TXNDC16: variants seen among roughly 807,000 people sequenced by gnomAD.
TXNDC16 encodes thioredoxin domain containing 16.
TXNDC16 carries 74 observed loss-of-function variants against 85.6 expected under a neutral mutation model. The observed-to-expected ratio is 0.86, with a 90% CI of 0.72 to 1.05. The LOEUF is 1.05. Among genes scored for constraint, TXNDC16 ranks in the 50% least tolerant of loss-of-function variants. The pLI is 0.00. For synonymous variants in TXNDC16, 335 were observed against 326.5 expected (o/e 1.03, Z -0.28); for missense variants, 959 against 947.0 (o/e 1.01, Z -0.17).
At chr14:52,548,223 A>C (rs2037978507) in intron 1 of TXNDC16, among the ~76,000 whole-genome samples, 1 of 152,232 alleles carries the variant, frequency 6.6e-6, no homozygotes, top group African/African-American at 2.4e-5. Context: ...AGAAATGAAA[A>C]CAAAGACAAA....
At chr14:52,441,869 T>C (rs1360461484) in intron 18 of TXNDC16, among the ~76,000 whole-genome samples, 1 of 152,176 alleles carries the variant, frequency 6.6e-6, no homozygotes, top group African/African-American at 2.4e-5. Context: ...ATTATATTAA[T>C]ATTAGCAGTA....
At position 52,439,186 on chromosome 14, in the gene TXNDC16, A is replaced by G; in HGVS notation, c.2194+18T>C. The G allele has an allele frequency of 6.2e-7, 1 of 1,610,662 alleles. No homozygotes were observed. The highest frequency in any genetic ancestry group is 8.5e-7 in the Non-Finnish European group (1 of 1,177,742). ...CAAAATGCAGAACTACATGTATTAA[A>G]CAAAACAGAAAACTTACTGATATGA... On this transcript the variant is annotated intron_variant, in intron 20 of 20. Coordinates refer to ENST00000281741, the MANE Select transcript of TXNDC16 (RefSeq NM_020784.3).
intron 16 of TXNDC16, among the ~76,000 whole-genome samples, chr14:52,466,722 C>CG (rs1317643788): frequency 6.6e-6 from 1 of 151,814 alleles, no homozygotes; most frequent in Non-Finnish European, 1.5e-5. Flanking sequence ...AAAAAATTAG[C>CG]GGGGCATGGT....
chr14:52,524,587 A>G (rs980332539), intron 6 of TXNDC16, among the ~76,000 whole-genome samples: 1 of 152,108 alleles, frequency 6.6e-6, no homozygotes, highest in African/African-American at 2.4e-5. Flanking sequence ...CTTCTGGGCT[A>G]AAGCCATTAT....
intron 18 of TXNDC16, among the ~76,000 whole-genome samples, chr14:52,449,879 A>T (rs1180423509): frequency 6.6e-6 from 1 of 152,046 alleles, no homozygotes; most frequent in Non-Finnish European, 1.5e-5. Flanking sequence ...GAAATTAAAA[A>T]AGAAATTTTA....
chr14:52,493,216 T>TATATATATATATATTAC lies in TXNDC16; in HGVS notation c.757-2212_757-2211insGTAATATATATATATAT. On this transcript the variant is annotated intron_variant, in intron 9 of 20. Transcript: ENST00000281741. ...TTCTATATATATATATATATATATA[T>TATATATATATATATTAC]ACACACACACACACACACATATTTA... Among the ~76,000 whole-genome samples the TATATATATATATATTAC allele has an allele frequency of 4.5e-4, 52 of 115,994 alleles. 2 individuals are homozygous for TATATATATATATATTAC. The highest frequency in any genetic ancestry group is 4.3e-3 in the Middle Eastern group (1 of 234). The allele number at this position is 115,994 out of a possible 152,430, so 76.1% of individuals were successfully genotyped here. A position where few individuals can be genotyped will look rare whatever the true frequency, so the allele number is the denominator to read the frequency against.
At chr14:52,524,603 C>T (rs559241624) in intron 6 of TXNDC16, among the ~76,000 whole-genome samples, 1 of 152,240 alleles carries the variant, frequency 6.6e-6, no homozygotes, top group South Asian at 2.1e-4. Flanking sequence ...ATTATCCTGT[C>T]TCAGCCTCAG....
At chr14:52,541,271 G>A (rs535675857) in intron 4 of TXNDC16, among the ~76,000 whole-genome samples, 3 of 151,846 alleles carry the variant, frequency 2.0e-5, no homozygotes, top group South Asian at 2.1e-4. Context: ...AGTTATGTTC[G>A]TCCATAAGGG....
intron 16 of TXNDC16, chr14:52,463,002 T>C (rs891961089): frequency 2.2e-6 from 1 of 455,708 alleles, no homozygotes; most frequent in South Asian, 1.6e-5. Flanking sequence ...ACAAAGGGGA[T>C]AGAACACAAA....
At chr14:52,472,559 C>T (rs1250797599) in intron 14 of TXNDC16, among the ~76,000 whole-genome samples, 1 of 152,068 alleles carries the variant, frequency 6.6e-6, no homozygotes, top group Non-Finnish European at 1.5e-5. Flanking sequence ...ACAGTATGTA[C>T]CCAGTAAAAA....
At position 52,529,175 on chromosome 14, in the gene TXNDC16, T is replaced by C. The variant is rs935441243; in HGVS notation, c.392+7544A>G. ...AAAAATGATGAGTTCATGTCCTCTG[T>C]AGGGACATGGATGAAGCTGGAAACC... On this transcript the variant is annotated intron_variant, in intron 6 of 20. Transcript: ENST00000281741. Among the ~76,000 whole-genome samples, 9 of 151,066 alleles carry C rather than the reference T, an allele frequency of 6.0e-5. No homozygotes were observed. The East Asian group carries it at 1.8e-3, about 29-fold the overall frequency.
At chr14:52,445,808 C>A (rs116027841) in intron 18 of TXNDC16, among the ~76,000 whole-genome samples, 2,021 of 152,246 alleles carry the variant, frequency 0.013, 44 homozygotes, top group African/African-American at 0.046. Flanking sequence ...AGCGTAGGTA[C>A]GTAGTAGGCT....
rs10533128 is a variant in TXNDC16 at position 52,513,648 on chromosome 14, C to CTGTG, written c.605+1228_605+1231dup. 2.6e-3 allele frequency among the ~76,000 whole-genome samples: 384 copies of CTGTG among 148,484 alleles called. 2 individuals carry two copies. Among genetic ancestry groups the CTGTG allele is most frequent in the African/African-American group, 9.1e-3 (369 of 40,704 alleles). ...GTCTTAGATCAGATATATACATATTCTGTGTGTGTGTGTGTGTATATACAT... is the reference window on the plus strand; with the variant it reads ...GTCTTAGATCAGATATATACATATTCTGTGTGTGTGTGTGTGTGTGTATATACAT... On this transcript the variant is annotated intron_variant, in intron 8 of 20. Transcript: ENST00000281741.
intron 9 of TXNDC16, among the ~76,000 whole-genome samples, chr14:52,496,609 GAT>G: frequency 8.1e-6 from 1 of 123,950 alleles, no homozygotes; most frequent in African/African-American, 3.4e-5. Context: ...ATGATTTTAT[GAT>G]TTTTTTTTTT....
At chr14:52,496,417 TC>T (rs2036534278) in intron 9 of TXNDC16, among the ~76,000 whole-genome samples, 1 of 126,036 alleles carries the variant, frequency 7.9e-6, no homozygotes, top group African/African-American at 3.2e-5. Flanking sequence ...CTCCAACTCG[TC>T]TTTTTTTTTT....
chr14:52,449,759 TCAC>T (rs1054093579), intron 18 of TXNDC16, among the ~76,000 whole-genome samples: 3 of 152,078 alleles, frequency 2.0e-5, no homozygotes, highest in African/African-American at 7.2e-5. Flanking sequence ...GCATCTTCTC[TCAC>T]CACAATGGAA....
intron 7 of TXNDC16, among the ~76,000 whole-genome samples, chr14:52,516,459 C>T (rs1021036392): frequency 2.6e-5 from 4 of 152,150 alleles, no homozygotes; most frequent in African/African-American, 4.8e-5. Context: ...AAGTTCGATG[C>T]TATTCTCATT....
intron 20 of TXNDC16, among the ~76,000 whole-genome samples, chr14:52,433,675 T>TAGA (rs2034960084): frequency 6.6e-6 from 1 of 152,220 alleles, no homozygotes; most frequent in Non-Finnish European, 1.5e-5. Context: ...TCTTCACTCA[T>TAGA]ACTCAACTAT....
In TXNDC16 at chr14:52,470,222, C is replaced by T. The variant is rs565494752; in HGVS notation, c.1482-49G>A. 2.0e-5 allele frequency: 28 copies of T among 1,400,298 alleles called. No individual in the cohort carries two copies. The Admixed American group carries it at 5.8e-4, about 29-fold the overall frequency. The allele number at this position is 1,400,298 out of a possible 1,614,324, so 86.7% of individuals were successfully genotyped here. A position where few individuals can be genotyped will look rare whatever the true frequency, so the allele number is the denominator to read the frequency against. On this transcript the variant is annotated intron_variant, in intron 15 of 20. Transcript: ENST00000281741. ...ACAAATTAATTTTTTAAGATATTTT[C>T]AGTTTGTAAAAAAAAAGCATACTAA...
Sources: gnomAD v4.1 joint callset for allele counts (sites outside exome capture counted in the v4.1 genomes callset) on GRCh38, gnomAD v4.1.1 for gene constraint, MANE v1.5 for transcripts, NCBI Gene and HGNC (gene_info 2026-07-23, HGNC 2026-07-21) for gene names.